The following CSGALNACT1 variants were observed in gnomAD, a reference collection of about 807,000 sequenced individuals.
The protein encoded by CSGALNACT1 is chondroitin sulfate N-acetylgalactosaminyltransferase 1.
CSGALNACT1 carries 52 observed loss-of-function variants against 51.0 expected under a neutral mutation model. The ratio of observed to expected loss-of-function variants is 1.02; its 90% CI spans 0.82 to 1.29. The LOEUF (loss-of-function observed/expected upper bound fraction) is 1.29. CSGALNACT1 is among the 50% of genes most tolerant of loss of function. CSGALNACT1 has a pLI of 0.00. For synonymous variants in CSGALNACT1, 341 were observed against 254.4 expected, an observed-to-expected ratio of 1.34 and a Z score of -3.24; for missense variants, 935 against 679.2, an observed-to-expected ratio of 1.38 and a Z score of -4.19.
chr8:19,529,836 TATA>T (rs1297818652), intron 3 of CSGALNACT1, among the ~76,000 whole-genome samples: 6 of 152,222 alleles, frequency 3.9e-5, no homozygotes, highest in African/African-American at 1.4e-4. Flanking sequence ...CTACATTATT[TATA>T]ATAACCTAAC....
At chr8:19,607,001 A>G (rs968820781), upstream of CSGALNACT1, among the ~76,000 whole-genome samples, 2 of 152,030 alleles carry the variant, frequency 1.3e-5, no homozygotes, top group African/African-American at 4.8e-5. Flanking sequence ...TAAAAATACA[A>G]AAAATTAGCC....
intron 3 of CSGALNACT1, among the ~76,000 whole-genome samples, chr8:19,570,369 T>A (rs1378464907): frequency 6.6e-6 from 1 of 152,178 alleles, no homozygotes; most frequent in Non-Finnish European, 1.5e-5. Context: ...AAGGATTATT[T>A]AACCAATCCA....
At chr8:19,586,815 T>C (rs2046761223) in intron 3 of CSGALNACT1, among the ~76,000 whole-genome samples, 2 of 152,222 alleles carry the variant, frequency 1.3e-5, no homozygotes, top group Admixed American at 1.3e-4. Context: ...AAGTCTTTAC[T>C]TTAGAACTCC....
At chr8:19,546,155 A>G (rs2086415517) in intron 3 of CSGALNACT1, among the ~76,000 whole-genome samples, 1 of 152,200 alleles carries the variant, frequency 6.6e-6, no homozygotes, top group African/African-American at 2.4e-5. Flanking sequence ...ATATATGCAG[A>G]TAAATTCAGC....
intron 4 of CSGALNACT1, among the ~76,000 whole-genome samples, chr8:19,470,517 G>T: frequency 6.6e-6 from 1 of 152,172 alleles, no homozygotes; most frequent in Non-Finnish European, 1.5e-5. Flanking sequence ...GTGACTCACT[G>T]AGCTTGGACT....
chr8:19,605,502 C>G (rs1053756694), upstream of CSGALNACT1, among the ~76,000 whole-genome samples: 2 of 152,156 alleles, frequency 1.3e-5, no homozygotes, highest in African/African-American at 4.8e-5. Flanking sequence ...AGTCCCCTCC[C>G]CTGTCCTCCA....
intron 3 of CSGALNACT1, among the ~76,000 whole-genome samples, chr8:19,566,071 T>TA (rs2041847955): frequency 1.3e-5 from 2 of 152,224 alleles, no homozygotes; most frequent in African/African-American, 4.8e-5. Context: ...TCCTAATCCA[T>TA]AAAACCTTTT....
At chr8:19,524,487 A>T (rs1462150085) in intron 3 of CSGALNACT1, among the ~76,000 whole-genome samples, 2 of 152,146 alleles carry the variant, frequency 1.3e-5, no homozygotes, top group African/African-American at 2.4e-5. Flanking sequence ...CAAACCCTTT[A>T]CATATTTCCC....
At chr8:19,444,208 C>G (rs2061760008) in intron 5 of CSGALNACT1, among the ~76,000 whole-genome samples, 1 of 152,198 alleles carries the variant, frequency 6.6e-6, no homozygotes, top group South Asian at 2.1e-4. Flanking sequence ...TACATACATC[C>G]TCTTGTAGAC....
intron 3 of CSGALNACT1, among the ~76,000 whole-genome samples, chr8:19,551,125 A>G (rs925693322): frequency 6.6e-6 from 1 of 151,938 alleles, no homozygotes; most frequent in Non-Finnish European, 1.5e-5. Flanking sequence ...GTTTTGCAGA[A>G]CAATGAAGAA....
At chr8:19,577,401 C>CAAAAAAAA (rs111734132) in intron 3 of CSGALNACT1, among the ~76,000 whole-genome samples, 8 of 104,262 alleles carry the variant, frequency 7.7e-5, no homozygotes, top group South Asian at 6.1e-4. Flanking sequence ...CCCACCTCTA[C>CAAAAAAAA]AAAAAAAAAA....
intron 1 of CSGALNACT1, among the ~76,000 whole-genome samples, chr8:19,638,888 G>A (rs1229015245): frequency 6.6e-6 from 1 of 151,724 alleles, no homozygotes; most frequent in Non-Finnish European, 1.5e-5. Context: ...GACTTACTTT[G>A]CACATCAAAG....
intron 5 of CSGALNACT1, among the ~76,000 whole-genome samples, chr8:19,444,601 A>G (rs1463311148): frequency 6.6e-6 from 1 of 152,208 alleles, no homozygotes; most frequent in East Asian, 1.9e-4. Context: ...AATAATCCAC[A>G]TCATAATTTC....
chr8:19,440,315 T>C (rs1391612768), intron 5 of CSGALNACT1, among the ~76,000 whole-genome samples: 1 of 152,130 alleles, frequency 6.6e-6, no homozygotes, highest in African/African-American at 2.4e-5. Context: ...GCAAAAATCC[T>C]CAATAAAATA....
chr8:19,668,164 C>G (rs2059532144), intron 1 of CSGALNACT1, among the ~76,000 whole-genome samples: 1 of 152,014 alleles, frequency 6.6e-6, no homozygotes. Context: ...ATATTTTGTT[C>G]AAAAATGCAA....
At chr8:19,671,192 G>T (rs1269722427) in intron 1 of CSGALNACT1, among the ~76,000 whole-genome samples, 2 of 152,126 alleles carry the variant, frequency 1.3e-5, no homozygotes, top group Non-Finnish European at 2.9e-5. Flanking sequence ...GCAAGGACAG[G>T]CTCAAAACCC....
intron 8 of CSGALNACT1, among the ~76,000 whole-genome samples, chr8:19,416,297 TA>T (rs796996211): frequency 2.6e-5 from 4 of 151,956 alleles, no homozygotes; most frequent in African/African-American, 9.7e-5. Flanking sequence ...GAATTTTTAG[TA>T]GAGATGGGGT....
At chr8:19,687,246 T>C (rs2061028547), upstream of CSGALNACT1, among the ~76,000 whole-genome samples, 1 of 152,120 alleles carries the variant, frequency 6.6e-6, no homozygotes, top group Non-Finnish European at 1.5e-5. Flanking sequence ...TCTTGACAAA[T>C]TCCTCAGCAA....
intron 3 of CSGALNACT1, among the ~76,000 whole-genome samples, chr8:19,519,117 T>A (rs1011527301): frequency 1.3e-5 from 2 of 152,126 alleles, no homozygotes; most frequent in Non-Finnish European, 2.9e-5. Context: ...GAAAGCCCAA[T>A]TCATTAAAAG....
Sources: allele counts gnomAD v4.1 joint callset (sites outside exome capture counted in the v4.1 genomes callset), GRCh38; gene constraint gnomAD v4.1.1; transcripts MANE v1.5; gene names NCBI Gene and HGNC (gene_info 2026-07-23, HGNC 2026-07-21).